MALRD1: variants seen among roughly 807,000 people sequenced by gnomAD.
The protein encoded by MALRD1 is MAM and LDL receptor class A domain containing 1.
In MALRD1, 247 loss-of-function variants were observed where a neutral mutation model predicts 242.1. The observed-to-expected ratio is 1.02, with a 90% CI of 0.92 to 1.13. The LOEUF is 1.13. Ranked by LOEUF, MALRD1 falls within the 50% of genes most tolerant of loss-of-function variation. The pLI is 0.00. For synonymous variants in MALRD1, 995 were observed against 866.6 expected (o/e 1.15, Z -2.60); for missense variants, 2,989 against 2,533.1 (o/e 1.18, Z -3.86).
At chr10:19,333,518 G>A (rs1172466526) in intron 24 of MALRD1, among the ~76,000 whole-genome samples, 2 of 152,116 alleles carry the variant, frequency 1.3e-5, no homozygotes, top group Non-Finnish European at 2.9e-5. Context: ...TGGTGTATAT[G>A]TAACAGATTT....
chr10:19,255,695 T>C (rs865941501), intron 18 of MALRD1, among the ~76,000 whole-genome samples: 6 of 152,114 alleles, frequency 3.9e-5, no homozygotes, highest in African/African-American at 1.2e-4. Flanking sequence ...AAATTGAAGA[T>C]ATTTTGGTAA....
At chr10:19,551,816 A>C (rs1835482749) in intron 32 of MALRD1, among the ~76,000 whole-genome samples, 1 of 152,054 alleles carries the variant, frequency 6.6e-6, no homozygotes, top group Non-Finnish European at 1.5e-5. Context: ...GCTGAATTTC[A>C]ATGAAAGCCT....
intron 36 of MALRD1, among the ~76,000 whole-genome samples, chr10:19,660,795 G>A (rs544666107): frequency 1.4e-4 from 22 of 152,130 alleles, no homozygotes; most frequent in Non-Finnish European, 2.9e-4. Flanking sequence ...AGTTCTCATC[G>A]TTCCTCAAAT....
At chr10:19,508,506 C>T (rs539460557) in intron 31 of MALRD1, among the ~76,000 whole-genome samples, 2 of 152,282 alleles carry the variant, frequency 1.3e-5, no homozygotes, top group East Asian at 1.9e-4. Flanking sequence ...TTCTCCTGAA[C>T]CTATACTGTC....
intron 36 of MALRD1, among the ~76,000 whole-genome samples, chr10:19,691,980 T>C (rs916529594): frequency 1.3e-5 from 2 of 152,106 alleles, no homozygotes; most frequent in Non-Finnish European, 1.5e-5. Context: ...TAAAGTAATA[T>C]TGGACACTGG....
At chr10:19,608,192 C>G (rs1195642921) in intron 35 of MALRD1, among the ~76,000 whole-genome samples, 1 of 151,948 alleles carries the variant, frequency 6.6e-6, no homozygotes, top group Non-Finnish European at 1.5e-5. Context: ...TTAATAATCT[C>G]TCCTCTGAAA....
chr10:19,352,764 C>T (rs1056866254), intron 26 of MALRD1, among the ~76,000 whole-genome samples: 1 of 152,044 alleles, frequency 6.6e-6, no homozygotes, highest in Non-Finnish European at 1.5e-5. Context: ...TAAATGTGTC[C>T]ATATGTCCTT....
Position 19,275,939 on chromosome 10 carries a change from A to T in MALRD1, c.3080-4108A>T, listed in dbSNP as rs753309263. On this transcript the variant is annotated intron_variant, in intron 19 of 39. Coordinates refer to ENST00000454679, the MANE Select transcript of MALRD1 (RefSeq NM_001142308.3). ...TGATCCACTGTTTTTTAAGACTTTT[A>T]CTGTTCTAGTAATGTGTATTTACCC... is the stretch of plus-strand genomic sequence containing the variant. Among the ~76,000 whole-genome samples, 52 of 152,292 alleles carry T rather than the reference A, an allele frequency of 3.4e-4. 1 individual carries two copies. Among genetic ancestry groups the T allele is most frequent in the South Asian group, 1.2e-3 (6 of 4,830 alleles).
chr10:19,238,881 C>A (rs113072429), intron 18 of MALRD1, among the ~76,000 whole-genome samples: 1 of 151,482 alleles, frequency 6.6e-6, no homozygotes, highest in African/African-American at 2.4e-5. Flanking sequence ...TCCTTGCCAA[C>A]TCTTGTTGTC....
At chr10:19,584,918 G>A (rs1316403034) in intron 33 of MALRD1, among the ~76,000 whole-genome samples, 1 of 151,840 alleles carries the variant, frequency 6.6e-6, no homozygotes, top group Non-Finnish European at 1.5e-5. Context: ...CCTGTATTGG[G>A]TGCATATATA....
chr10:19,654,117 G>A (rs1841021885), intron 36 of MALRD1, among the ~76,000 whole-genome samples: 3 of 152,112 alleles, frequency 2.0e-5, no homozygotes, highest in Non-Finnish European at 4.4e-5. Context: ...ATGAATTTGT[G>A]ATTTTTTTGA....
At chr10:19,668,630 A>G (rs1198562623) in intron 36 of MALRD1, among the ~76,000 whole-genome samples, 1 of 152,170 alleles carries the variant, frequency 6.6e-6, no homozygotes, top group Non-Finnish European at 1.5e-5. Context: ...TCTATTTAAT[A>G]TGTGCAGAGT....
In MALRD1 at chr10:19,663,307, T is replaced by C. The variant is rs777476806; in HGVS notation, c.6138-28975T>C. 1.6e-4 allele frequency among the ~76,000 whole-genome samples: 24 copies of C among 152,266 alleles called. 1 individual carries two copies. Among genetic ancestry groups the C allele is most frequent in the Middle Eastern group, 3.4e-3 (1 of 294 alleles). On this transcript the variant is annotated intron_variant, in intron 36 of 39. Transcript: ENST00000454679. ...CTTTCTTTTTCTCAGTCATTTCACT[T>C]AGTATAATGGCCTCCAGGTTCATCC... is the stretch of plus-strand genomic sequence containing the variant.
intron 36 of MALRD1, among the ~76,000 whole-genome samples, chr10:19,681,962 G>T (rs1842390821): frequency 6.6e-6 from 1 of 151,172 alleles, no homozygotes; most frequent in Non-Finnish European, 1.5e-5. Context: ...ATTAGCTGTA[G>T]CTGAGACTAC....
rs899937248 is a variant in MALRD1, at chr10:19,393,516, G to A, written c.4845+3907G>A. On this transcript the variant is annotated intron_variant, in intron 28 of 39. Transcript: ENST00000454679. ...GCTGGAGTGCAGTGGTGTGATCTCGGCTCACTGCAAGCTCCGTCTCCCGGG... is the reference window on the plus strand; with the variant it reads ...GCTGGAGTGCAGTGGTGTGATCTCGACTCACTGCAAGCTCCGTCTCCCGGG... Among the ~76,000 whole-genome samples the A allele has an allele frequency of 7.4e-5, 11 of 147,840 alleles. No individual in the cohort carries two copies. In the South Asian group the frequency reaches 1.7e-3, roughly 23 times the overall value.
At chr10:19,611,842 G>C (rs1838913644) in intron 35 of MALRD1, among the ~76,000 whole-genome samples, 1 of 152,044 alleles carries the variant, frequency 6.6e-6, no homozygotes, top group Non-Finnish European at 1.5e-5. Flanking sequence ...TTATCACAGA[G>C]ATGAACTGTG....
chr10:19,539,909 T>TGC (rs1491030980), intron 32 of MALRD1, among the ~76,000 whole-genome samples: 29 of 25,784 alleles, frequency 1.1e-3, no homozygotes, highest in African/African-American at 2.8e-3. Flanking sequence ...CGCGCGCGCG[T>TGC]GCGCGCACAC....
At chr10:19,084,920 C>G (rs1313475350) in intron 2 of MALRD1, among the ~76,000 whole-genome samples, 1 of 151,942 alleles carries the variant, frequency 6.6e-6, no homozygotes, top group East Asian at 1.9e-4. Flanking sequence ...ATATGTGTTT[C>G]AAAGACATTA....
intron 32 of MALRD1, among the ~76,000 whole-genome samples, chr10:19,544,319 C>T (rs1287677681): frequency 3.9e-5 from 6 of 152,048 alleles, no homozygotes; most frequent in African/African-American, 7.2e-5. Flanking sequence ...TCCCAATTAG[C>T]TGGGAATACA....
Sources: allele counts gnomAD v4.1 joint callset (sites outside exome capture counted in the v4.1 genomes callset), GRCh38; gene constraint gnomAD v4.1.1; transcripts MANE v1.5; gene names NCBI Gene and HGNC (gene_info 2026-07-23, HGNC 2026-07-21).